Variants in PUM2 observed in about 807,000 individuals in gnomAD.
The protein encoded by PUM2 is pumilio homolog 2.
In PUM2, 57 loss-of-function variants were observed where a neutral mutation model predicts 124.5. That is an observed-to-expected ratio of 0.46 (90% CI 0.37 to 0.57). The LOEUF is 0.57. PUM2 is among the 20% of genes least tolerant of loss of function. The probability of loss-of-function intolerance (pLI) is 0.00; values close to 1 mark genes in which losing one functional copy is unlikely to be tolerated. For missense variants in PUM2, 1,065 were observed against 1,290.6 expected (o/e 0.83, Z 2.68); for synonymous variants, 460 against 446.1 (o/e 1.03, Z -0.39).
intron 10 of PUM2, among the ~76,000 whole-genome samples, chr2:20,289,205 C>A (rs1673434865): frequency 6.6e-6 from 1 of 152,056 alleles, no homozygotes; most frequent in African/African-American, 2.4e-5. Context: ...GCATCAAGAG[C>A]CTAGGAGGAT....
intron 19 of PUM2, among the ~76,000 whole-genome samples, chr2:20,254,438 T>C (rs1664278589): frequency 6.6e-6 from 1 of 152,140 alleles, no homozygotes; most frequent in African/African-American, 2.4e-5. Flanking sequence ...GGATTACACG[T>C]GTGAGACACT....
At chr2:20,291,410 A>C (rs891288179) in intron 9 of PUM2, among the ~76,000 whole-genome samples, 1 of 152,200 alleles carries the variant, frequency 6.6e-6, no homozygotes, top group Non-Finnish European at 1.5e-5. Context: ...TGTGACCCAC[A>C]TATCCTCCTC....
At chr2:20,278,433 T>G (rs1197134022) in intron 13 of PUM2, 150 bp downstream of exon 13, 8 of 663,130 alleles carry the variant, frequency 1.2e-5, no homozygotes, top group Non-Finnish European at 2.0e-5. Context: ...TTCAGGAAAG[T>G]AGAACTTTTT....
chr2:20,277,032 A>G (rs1670431343), intron 13 of PUM2, among the ~76,000 whole-genome samples: 1 of 152,098 alleles, frequency 6.6e-6, no homozygotes, highest in Non-Finnish European at 1.5e-5. Flanking sequence ...GAGACATCTA[A>G]AAAGTCATTT....
chr2:20,279,458 A>G (rs1423990966), intron 12 of PUM2, among the ~76,000 whole-genome samples: 1 of 152,100 alleles, frequency 6.6e-6, no homozygotes, highest in Non-Finnish European at 1.5e-5. Context: ...TAAAATTAAT[A>G]GCTCTCACTG....
intron 12 of PUM2, among the ~76,000 whole-genome samples, chr2:20,281,634 G>A (rs1671550957): frequency 6.6e-6 from 1 of 152,166 alleles, no homozygotes; most frequent in African/African-American, 2.4e-5. Context: ...TGAGTCCTAT[G>A]GGAGTGCGTG....
intron 12 of PUM2, among the ~76,000 whole-genome samples, chr2:20,279,425 A>G (rs1294421382): frequency 1.3e-5 from 2 of 152,082 alleles, no homozygotes; most frequent in African/African-American, 2.4e-5. Context: ...CTTTAACTAC[A>G]TTACAAAGTA....
chr2:20,263,364 G>C lies in PUM2; in HGVS notation c.2054C>G (p.Ser685Cys). Residue 685 changes from serine (S) to cysteine (C), a missense_variant, in exon 14 of 21, where the codon TCC (serine) becomes TGC (cysteine). Physicochemically the swap from Ser to Cys is moderately radical, Grantham distance 112 (BLOSUM62 -1). Around this residue, in one of 3 missense-constraint regions of PUM2, gnomAD observed 968 missense variants for 1,159.8 expected, o/e 0.83. Coordinates refer to ENST00000361078, the MANE Select transcript of PUM2 (RefSeq NM_015317.5). ...GGAAGGAGGAAAGAGCTGGCTGCTGGAGCTAAATAGACTGGAAGTGCTTGA... is the reference window on the plus strand; with the variant it reads ...GGAAGGAGGAAAGAGCTGGCTGCTGCAGCTAAATAGACTGGAAGTGCTTGA... ...SASSTSSLFS[S>C]SSQLFPPSRL... The C allele has an allele frequency of 6.2e-7, 1 of 1,614,160 alleles. No homozygotes were observed. Among genetic ancestry groups the C allele is most frequent in the Non-Finnish European group, 8.5e-7 (1 of 1,179,994 alleles).
intron 1 of PUM2, among the ~76,000 whole-genome samples, chr2:20,340,102 T>G (rs1345900992): frequency 6.6e-6 from 1 of 152,216 alleles, no homozygotes; most frequent in African/African-American, 2.4e-5. Flanking sequence ...TATTTTAGTA[T>G]TGTCCTTTGC....
intron 7 of PUM2, among the ~76,000 whole-genome samples, chr2:20,299,280 C>A (rs1030404602): frequency 3.9e-5 from 6 of 152,078 alleles, no homozygotes; most frequent in Admixed American, 3.9e-4. Flanking sequence ...GGACACCCAG[C>A]TGGTGTCTCC....
intron 2 of PUM2, among the ~76,000 whole-genome samples, chr2:20,319,548 G>A (rs531935655): frequency 1.3e-5 from 2 of 152,202 alleles, no homozygotes; most frequent in East Asian, 3.9e-4. Context: ...TTAAGGGCAT[G>A]GTCTGCTCAC....
intron 13 of PUM2, among the ~76,000 whole-genome samples, chr2:20,276,151 C>T (rs1241107168): frequency 2.0e-5 from 3 of 151,906 alleles, no homozygotes; most frequent in Non-Finnish European, 2.9e-5. Context: ...AAAATTAACA[C>T]CCCAAAACTA....
chr2:20,290,535 T>C, intron 10 of PUM2, 117 bp downstream of exon 10: 1 of 1,068,430 alleles, frequency 9.4e-7, no homozygotes, highest in South Asian at 2.0e-5. Context: ...TCTAAATATT[T>C]TGTTACAAGG....
At chr2:20,326,121 T>G (rs1683614986) in intron 2 of PUM2, 1 of 637,844 alleles carries the variant, frequency 1.6e-6, no homozygotes, top group Non-Finnish European at 2.3e-6. Context: ...AACCAGATAT[T>G]GCACTGCAGT....
intron 8 of PUM2, among the ~76,000 whole-genome samples, chr2:20,296,835 G>C (rs1675719339): frequency 6.6e-6 from 1 of 152,170 alleles, no homozygotes; most frequent in Admixed American, 6.5e-5. Context: ...AAATAAGACT[G>C]TGCCTGATCA....
At chr2:20,254,782 G>A in intron 19 of PUM2, 81 bp downstream of exon 19, 1 of 1,402,914 alleles carries the variant, frequency 7.1e-7, no homozygotes, top group Non-Finnish European at 9.8e-7. Flanking sequence ...AATGCTACAT[G>A]CTACACGTAT....
chr2:20,333,326 G>A (rs1211482903), intron 1 of PUM2, among the ~76,000 whole-genome samples: 1 of 152,032 alleles, frequency 6.6e-6, no homozygotes, highest in Non-Finnish European at 1.5e-5. Flanking sequence ...CTTGAGGCCA[G>A]GAATTCAAGA....
intron 13 of PUM2, among the ~76,000 whole-genome samples, chr2:20,266,875 T>C (rs898395339): frequency 2.0e-5 from 3 of 152,136 alleles, no homozygotes; most frequent in Non-Finnish European, 4.4e-5. Flanking sequence ...GTGTGATAAG[T>C]AGCAAAGTTG....
At chr2:20,328,963 G>C (rs1684290391) in intron 1 of PUM2, among the ~76,000 whole-genome samples, 1 of 152,064 alleles carries the variant, frequency 6.6e-6, no homozygotes, top group Admixed American at 6.6e-5. Flanking sequence ...CTTGAGCCCA[G>C]GAATTGAGAC....
Sources: gnomAD v4.1 joint callset for allele counts (sites outside exome capture counted in the v4.1 genomes callset) on GRCh38, gnomAD v4.1.1 for gene constraint, gnomAD v4.1.1 regional missense constraint, MANE v1.5 for transcripts, NCBI Gene and HGNC (gene_info 2026-07-23, HGNC 2026-07-21) for gene names.